CCDC171: variants seen among roughly 807,000 people sequenced by gnomAD.
The protein encoded by CCDC171 is coiled-coil domain containing 171.
In CCDC171, 177 loss-of-function variants were observed where a neutral mutation model predicts 168.2. That is an observed-to-expected ratio of 1.05 (90% CI 0.93 to 1.19). CCDC171 has a LOEUF of 1.19. Among genes scored for constraint, CCDC171 ranks in the 50% most tolerant of loss-of-function variants. CCDC171 has a pLI of 0.00. For synonymous variants in CCDC171, 687 were observed against 540.8 expected (o/e 1.27, Z -3.75); for missense variants, 1,991 against 1,539.0 (o/e 1.29, Z -4.91).
At chr9:15,645,591 G>A (rs1424182284) in intron 7 of CCDC171, among the ~76,000 whole-genome samples, 1 of 152,296 alleles carries the variant, frequency 6.6e-6, no homozygotes, top group African/African-American at 2.4e-5. Flanking sequence ...CGAGAACTAC[G>A]TGATGCATGC....
intron 2 of CCDC171, among the ~76,000 whole-genome samples, chr9:15,565,925 A>G (rs2039691134): frequency 6.6e-6 from 1 of 152,230 alleles, no homozygotes; most frequent in Non-Finnish European, 1.5e-5. Flanking sequence ...TTTTCAAGAA[A>G]CTGCCAAATT....
the CCDC171 span, among the ~76,000 whole-genome samples, chr9:16,097,044 TA>T: frequency 3.3e-5 from 5 of 152,088 alleles, no homozygotes; most frequent in African/African-American, 1.2e-4. Context: ...TGATGAAGGG[TA>T]TCCTTGGAGA....
chr9:15,703,420 C>T (rs537855277), intron 11 of CCDC171, among the ~76,000 whole-genome samples: 21 of 152,326 alleles, frequency 1.4e-4, no homozygotes, highest in African/African-American at 4.8e-4. Context: ...ATTACCACCC[C>T]ACCACCAGCC....
At chr9:15,929,697 A>G (rs968654239) in intron 25 of CCDC171, among the ~76,000 whole-genome samples, 3 of 151,758 alleles carry the variant, frequency 2.0e-5, no homozygotes, top group Non-Finnish European at 4.4e-5. Flanking sequence ...AAGTTTTCTC[A>G]TATCTAGTCT....
chr9:16,063,941 C>G (rs1167910601), downstream of CCDC171, among the ~76,000 whole-genome samples: 2 of 152,192 alleles, frequency 1.3e-5, no homozygotes, highest in Non-Finnish European at 2.9e-5. Context: ...TCCGACAATG[C>G]CCACCTCCTG....
At chr9:15,778,728 A>G (rs1465977650) in intron 19 of CCDC171, among the ~76,000 whole-genome samples, 1 of 151,814 alleles carries the variant, frequency 6.6e-6, no homozygotes, top group Non-Finnish European at 1.5e-5. Context: ...ATTGTATGAG[A>G]CCTAAACAGC....
At chr9:15,942,784 T>A (rs1827875192) in intron 25 of CCDC171, among the ~76,000 whole-genome samples, 1 of 151,936 alleles carries the variant, frequency 6.6e-6, no homozygotes, top group Non-Finnish European at 1.5e-5. Flanking sequence ...AAATACTGAA[T>A]TATTGTGCTT....
intron 4 of CCDC171, among the ~76,000 whole-genome samples, chr9:15,580,584 A>G (rs925632545): frequency 6.6e-6 from 1 of 152,158 alleles, no homozygotes; most frequent in African/African-American, 2.4e-5. Flanking sequence ...TATATAGACA[A>G]TTCTTAAAAG....
intron 21 of CCDC171, among the ~76,000 whole-genome samples, chr9:15,842,913 A>T (rs1190112076): frequency 6.6e-6 from 1 of 151,856 alleles, no homozygotes; most frequent in East Asian, 1.9e-4. Flanking sequence ...AAACTTCAGG[A>T]ACTATGGATA....
intron 7 of CCDC171, among the ~76,000 whole-genome samples, chr9:15,656,147 G>A (rs886615922): frequency 1.2e-4 from 19 of 152,026 alleles, no homozygotes; most frequent in African/African-American, 3.6e-4. Context: ...GTGAAATCCC[G>A]TCTCTACTAA....
chr9:15,988,663 G>A (rs1220134216), intron 3 of CCDC171, among the ~76,000 whole-genome samples: 1 of 152,208 alleles, frequency 6.6e-6, no homozygotes, highest in Non-Finnish European at 1.5e-5. Context: ...AGGGCTCAGG[G>A]AATTCCCTTT....
intron 5 of CCDC171, among the ~76,000 whole-genome samples, chr9:15,593,753 A>G (rs1256034328): frequency 6.6e-6 from 1 of 152,006 alleles, no homozygotes; most frequent in African/African-American, 2.4e-5. Context: ...ATATCCCTAT[A>G]TAATAAACAG....
At chr9:15,793,210 A>T (rs1334604275) in intron 21 of CCDC171, among the ~76,000 whole-genome samples, 1 of 151,988 alleles carries the variant, frequency 6.6e-6, no homozygotes, top group Non-Finnish European at 1.5e-5. Flanking sequence ...ACCAACAAAG[A>T]TCAAAAGAGA....
chr9:15,677,016 T>A (rs2049629093), intron 9 of CCDC171, among the ~76,000 whole-genome samples: 1 of 152,204 alleles, frequency 6.6e-6, no homozygotes, highest in African/African-American at 2.4e-5. Flanking sequence ...TTCCCAGTGT[T>A]CTGAAATTTC....
At chr9:15,963,668 T>G (rs962610341) in intron 25 of CCDC171, among the ~76,000 whole-genome samples, 1 of 152,208 alleles carries the variant, frequency 6.6e-6, no homozygotes, top group Non-Finnish European at 1.5e-5. Context: ...TCTTTACTTA[T>G]GAATTAAGTT....
chr9:15,946,525 A>G (rs2132382727), intron 25 of CCDC171, among the ~76,000 whole-genome samples: 1 of 152,194 alleles, frequency 6.6e-6, no homozygotes, highest in East Asian at 2.0e-4. Context: ...AAAACAGGAT[A>G]CAAACAAATG....
intron 11 of CCDC171, among the ~76,000 whole-genome samples, chr9:15,710,998 T>C (rs754216174): frequency 1.3e-5 from 2 of 152,206 alleles, no homozygotes; most frequent in African/African-American, 2.4e-5. Context: ...TTGCATCCCA[T>C]TGTATAGTTT....
At chr9:16,017,528 T>G (rs930341897) in intron 3 of CCDC171, among the ~76,000 whole-genome samples, 2 of 152,074 alleles carry the variant, frequency 1.3e-5, no homozygotes, top group Admixed American at 6.6e-5. Flanking sequence ...GAAGAAGGAT[T>G]TTTACGTTAA....
intron 3 of CCDC171, among the ~76,000 whole-genome samples, chr9:16,019,372 G>T (rs1297896121): frequency 1.3e-5 from 2 of 152,226 alleles, no homozygotes; most frequent in Non-Finnish European, 2.9e-5. Context: ...TCTGTTAGTG[G>T]ATAGATGAGG....
Sources: allele counts gnomAD v4.1 joint callset (sites outside exome capture counted in the v4.1 genomes callset), GRCh38; gene constraint gnomAD v4.1.1; transcripts MANE v1.5; gene names NCBI Gene and HGNC (gene_info 2026-07-23, HGNC 2026-07-21).